Variants in WASF1 observed in about 807,000 individuals in gnomAD.
WASF1 encodes the protein actin-binding protein WASF1.
WASF1 carries 7 observed loss-of-function variants against 50.5 expected under a neutral mutation model. The ratio of observed to expected loss-of-function variants is 0.14; its 90% CI spans 0.08 to 0.26. The LOEUF is 0.26. WASF1 is among the 10% of genes least tolerant of loss of function. The probability of loss-of-function intolerance (pLI) is 1.00; values close to 1 mark genes in which losing one functional copy is unlikely to be tolerated. For missense variants in WASF1, 470 were observed against 694.7 expected (o/e 0.68, Z 3.64); for synonymous variants, 205 against 244.0 (o/e 0.84, Z 1.49).
At chr6:110,104,216 A>C (rs576125080) in intron 8 of WASF1, among the ~76,000 whole-genome samples, 22 of 152,354 alleles carry the variant, frequency 1.4e-4, no homozygotes, top group African/African-American at 5.3e-4. Context: ...TTGCTAGTAC[A>C]TTCTTGGGAA....
chr6:110,152,277 G>GC (rs774181441), intron 3 of WASF1, among the ~76,000 whole-genome samples: 7 of 152,230 alleles, frequency 4.6e-5, no homozygotes, highest in Non-Finnish European at 7.4e-5. Context: ...GAACCTGAAA[G>GC]CAGTTCTAGG....
At chr6:110,165,958 C>T (rs753245781) in intron 2 of WASF1, among the ~76,000 whole-genome samples, 3 of 151,568 alleles carry the variant, frequency 2.0e-5, no homozygotes, top group Non-Finnish European at 3.0e-5. Flanking sequence ...GGAAGCAAAG[C>T]ACAAAAGTCA....
At chr6:110,159,322 T>C (rs1329018490) in intron 3 of WASF1, among the ~76,000 whole-genome samples, 1 of 151,884 alleles carries the variant, frequency 6.6e-6, no homozygotes, top group African/African-American at 2.4e-5. Context: ...AAAAACAGTC[T>C]GTTGAGTTAA....
intron 3 of WASF1, among the ~76,000 whole-genome samples, chr6:110,134,668 T>C (rs1774864321): frequency 6.6e-6 from 1 of 151,994 alleles, no homozygotes; most frequent in African/African-American, 2.4e-5. Flanking sequence ...TCAGGTGATC[T>C]GCCTGCCTCG....
chr6:110,114,535 T>C (rs1292826394), intron 4 of WASF1, among the ~76,000 whole-genome samples: 1 of 152,154 alleles, frequency 6.6e-6, no homozygotes, highest in Non-Finnish European at 1.5e-5. Context: ...TGTGGGTGCA[T>C]GGCTGTTACA....
chr6:110,174,525 A>C (rs773146070), intron 2 of WASF1, among the ~76,000 whole-genome samples: 1 of 152,188 alleles, frequency 6.6e-6, no homozygotes, highest in Non-Finnish European at 1.5e-5. Context: ...CTCCAACAGA[A>C]ACTTATCAGT....
Position 110,175,134 on chromosome 6 carries a change from C to T in WASF1, c.-127+3464G>A, listed in dbSNP as rs562338637. Among the ~76,000 whole-genome samples the T allele has an allele frequency of 8.5e-5, 13 of 152,112 alleles. No individual in the cohort carries two copies. The South Asian group carries it at 2.7e-3, about 32-fold the overall frequency. On this transcript the variant is annotated intron_variant, in intron 2 of 10. Coordinates refer to ENST00000392589, the MANE Select transcript of WASF1 (RefSeq NM_003931.3). ...CCCCGTATTTTATGGGGCAATAATC[C>T]ATCTTTATATCTTCATACTCCCACT...
intron 2 of WASF1, among the ~76,000 whole-genome samples, chr6:110,178,390 G>A (rs1301583726): frequency 6.6e-6 from 1 of 152,082 alleles, no homozygotes; most frequent in African/African-American, 2.4e-5. Context: ...TGAACAATCA[G>A]AAAAATGAAT....
At chr6:110,146,177 C>T (rs933007764) in intron 3 of WASF1, among the ~76,000 whole-genome samples, 2 of 152,098 alleles carry the variant, frequency 1.3e-5, no homozygotes, top group African/African-American at 4.8e-5. Context: ...GTATTAAATA[C>T]TTATTCAAAC....
chr6:110,103,861 A>T (rs956826462), intron 8 of WASF1, among the ~76,000 whole-genome samples: 1 of 152,226 alleles, frequency 6.6e-6, no homozygotes, highest in African/African-American at 2.4e-5. Flanking sequence ...TTAATAAACA[A>T]GAAAATAATT....
At chr6:110,106,777 T>C (rs1318271798) in intron 7 of WASF1, among the ~76,000 whole-genome samples, 1 of 152,242 alleles carries the variant, frequency 6.6e-6, no homozygotes, top group Non-Finnish European at 1.5e-5. Context: ...AGATTCATTA[T>C]AAGCTTTGTG....
intron 2 of WASF1, among the ~76,000 whole-genome samples, chr6:110,171,138 C>G (rs989229921): frequency 3.9e-5 from 6 of 152,110 alleles, no homozygotes; most frequent in Admixed American, 1.3e-4. Context: ...ATGTTATTCT[C>G]AAGCTCACAT....
At chr6:110,167,650 G>A (rs1204500872) in intron 2 of WASF1, among the ~76,000 whole-genome samples, 2 of 151,858 alleles carry the variant, frequency 1.3e-5, no homozygotes, top group South Asian at 4.2e-4. Context: ...CTTAAGATGA[G>A]ATACATCTAT....
At chr6:110,130,554 G>A (rs796277031) in intron 3 of WASF1, among the ~76,000 whole-genome samples, 1 of 152,118 alleles carries the variant, frequency 6.6e-6, no homozygotes, top group Admixed American at 6.5e-5. Flanking sequence ...TGTGCAGGTT[G>A]TTCATTTTCA....
intron 5 of WASF1, among the ~76,000 whole-genome samples, chr6:110,112,902 A>C (rs1202846451): frequency 1.6e-5 from 2 of 128,862 alleles, no homozygotes; most frequent in Non-Finnish European, 3.2e-5. Flanking sequence ...CTCAAAAAAA[A>C]AAAAAAACAA....
chr6:110,107,084 T>C lies in WASF1; in HGVS notation c.533A>G (p.Lys178Arg). The C allele has an allele frequency of 6.3e-7, 1 of 1,596,764 alleles. No homozygotes were observed. The highest frequency in any genetic ancestry group is 1.8e-5 in the Admixed American group (1 of 56,766). ...DTEDKRKEKR[K>R]QKQKNLDRPH... ...TTTAATCTCTTGTAATACCTTCTGC[T>C]TCCTCTTTTCCTTCCTCTTATCCTC... is the stretch of plus-strand genomic sequence containing the variant. Residue 178 changes from lysine (K) to arginine (R), a missense_variant, in exon 7 of 11, where the codon AAG (lysine) becomes AGG (arginine). Transcript: ENST00000392589.
At chr6:110,179,107 G>A (rs913831750) in intron 1 of WASF1, among the ~76,000 whole-genome samples, 2 of 152,232 alleles carry the variant, frequency 1.3e-5, no homozygotes, top group African/African-American at 2.4e-5. Context: ...GGCGGACCGC[G>A]GGCGCGGGTG....
chr6:110,141,666 C>T (rs1258807343), intron 3 of WASF1, among the ~76,000 whole-genome samples: 1 of 152,018 alleles, frequency 6.6e-6, no homozygotes, highest in Non-Finnish European at 1.5e-5. Context: ...AGATGTTCAA[C>T]AGCTAATCAA....
intron 2 of WASF1, among the ~76,000 whole-genome samples, chr6:110,163,819 T>A (rs1303201958): frequency 3.3e-5 from 5 of 151,568 alleles, no homozygotes; most frequent in Non-Finnish European, 7.4e-5. Context: ...CAAGACTTAC[T>A]ATAAAGTTAC....
Sources: allele counts gnomAD v4.1 joint callset (sites outside exome capture counted in the v4.1 genomes callset), GRCh38; gene constraint gnomAD v4.1.1; transcripts MANE v1.5; gene names NCBI Gene and HGNC (gene_info 2026-07-23, HGNC 2026-07-21).